Variants in TXNL4A observed in about 807,000 individuals in gnomAD.
The protein encoded by TXNL4A is thioredoxin like 4A.
Under a neutral mutation model 14.6 loss-of-function variants are expected in TXNL4A, and 17 were observed. That is an observed-to-expected ratio of 1.16 (90% CI 0.80 to 1.74). TXNL4A has a LOEUF of 1.74. Ranked by LOEUF, TXNL4A falls within the 40% of genes most tolerant of loss-of-function variation. The pLI, the probability that TXNL4A is intolerant of heterozygous loss-of-function variation, is 0.00. For synonymous variants in TXNL4A, 83 were observed against 70.6 expected, an observed-to-expected ratio of 1.18 and a Z score of -0.88; for missense variants, 74 against 195.2, an observed-to-expected ratio of 0.38 and a Z score of 3.70.
At chr18:79,985,286 C>G (rs890441833) in intron 1 of TXNL4A, among the ~76,000 whole-genome samples, 1 of 152,088 alleles carries the variant, frequency 6.6e-6, no homozygotes, top group Non-Finnish European at 1.5e-5. Flanking sequence ...GACAGGGTCT[C>G]GCTCTGTCAC....
At chr18:79,977,542 A>T in intron 2 of TXNL4A, 56 bp downstream of exon 2, 1 of 1,381,984 alleles carries the variant, frequency 7.2e-7, no homozygotes, top group Non-Finnish European at 1.0e-6. Flanking sequence ...TCTTGATTAC[A>T]TTAAGCTTCC....
chr18:80,013,356 C>G (rs957059421), intron 1 of TXNL4A, among the ~76,000 whole-genome samples: 3 of 151,918 alleles, frequency 2.0e-5, no homozygotes, highest in Non-Finnish European at 4.4e-5. Flanking sequence ...TCTCCTACCT[C>G]ATGATCCCCC....
chr18:79,984,988 T>C (rs1470240732), intron 1 of TXNL4A, among the ~76,000 whole-genome samples: 1 of 152,072 alleles, frequency 6.6e-6, no homozygotes, highest in Non-Finnish European at 1.5e-5. Flanking sequence ...CAAAGGCACA[T>C]GAAATTGTCT....
intron 1 of TXNL4A, among the ~76,000 whole-genome samples, chr18:80,004,162 G>T (rs1298483773): frequency 6.6e-6 from 1 of 151,472 alleles, no homozygotes; most frequent in Non-Finnish European, 1.5e-5. Flanking sequence ...GTGTAGGCAG[G>T]AAAGTTAAGG....
upstream of TXNL4A, among the ~76,000 whole-genome samples, chr18:79,990,742 A>G (rs2051621676): frequency 6.6e-6 from 1 of 152,232 alleles, no homozygotes; most frequent in Non-Finnish European, 1.5e-5. Flanking sequence ...CTTAATTTTT[A>G]AGGACATTAA....
rs2051476251 is a variant in TXNL4A, at chr18:79,982,293, C to A, written c.154-4592G>T. ...GACCTTTTCCACTTGGGATTCTGGG[C>A]CATGTATTTATTTCTAAGAAAGCAG... On this transcript the variant is annotated intron_variant, in intron 1 of 2. Transcript: ENST00000269601. This position sits in a 1 kb window ranked among gnomAD's most constrained non-coding sequence, Gnocchi z 4.0. Among the ~76,000 whole-genome samples the A allele has an allele frequency of 6.6e-6, 1 of 152,048 alleles. No individual in the cohort carries two copies. Among genetic ancestry groups the A allele is most frequent in the African/African-American group, 2.4e-5 (1 of 41,378 alleles).
At chr18:80,017,379 G>T (rs2051818664) in intron 1 of TXNL4A, among the ~76,000 whole-genome samples, 2 of 151,494 alleles carry the variant, frequency 1.3e-5, no homozygotes, top group Non-Finnish European at 3.0e-5. Context: ...AATTGCCCTG[G>T]CCAGAACTTC....
intron 1 of TXNL4A, among the ~76,000 whole-genome samples, chr18:80,002,306 C>T (rs190218015): frequency 2.0e-5 from 3 of 152,294 alleles, no homozygotes; most frequent in East Asian, 1.9e-4. Flanking sequence ...GTTAGGTCCT[C>T]GTGTCTAGGT....
At chr18:79,975,270 T>C (rs1300001861) in intron 2 of TXNL4A, among the ~76,000 whole-genome samples, 1 of 152,240 alleles carries the variant, frequency 6.6e-6, no homozygotes, top group African/African-American at 2.4e-5. Context: ...TATCTGACAT[T>C]AGGCTCCACC....
chr18:80,010,367 A>C (rs561615516), intron 1 of TXNL4A, among the ~76,000 whole-genome samples: 12 of 152,144 alleles, frequency 7.9e-5, no homozygotes, highest in African/African-American at 2.9e-4. Flanking sequence ...CCCAGGACCT[A>C]CTGGAAAGCT....
chr18:80,001,772 C>A (rs1288996821), intron 1 of TXNL4A, among the ~76,000 whole-genome samples: 2 of 152,162 alleles, frequency 1.3e-5, no homozygotes, highest in African/African-American at 4.8e-5. Flanking sequence ...TGACTATACC[C>A]CCATTGTATC....
At chr18:80,033,422 C>G (rs2051939176) in intron 1 of TXNL4A, among the ~76,000 whole-genome samples, 1 of 152,226 alleles carries the variant, frequency 6.6e-6, no homozygotes, top group South Asian at 2.1e-4. Flanking sequence ...GCAGCTTCCC[C>G]GCTGGGCCAC....
In TXNL4A at chr18:79,982,316, C is replaced by G. The variant is rs2051476469; in HGVS notation, c.154-4615G>C. Among the ~76,000 whole-genome samples, 1 of 152,130 alleles carries G rather than the reference C, an allele frequency of 6.6e-6. No individual in the cohort carries two copies. Among genetic ancestry groups the G allele is most frequent in the Admixed American group, 6.5e-5 (1 of 15,268 alleles). ...GGCCATGTATTTATTTCTAAGAAAG[C>G]AGGAATTGAAGAGTTCAGTTTTGTA... On this transcript the variant is annotated intron_variant, in intron 1 of 2. Transcript: ENST00000269601. The surrounding 1 kb of genome is among the most constrained non-coding windows in gnomAD (Gnocchi z 4.0).
rs1304917859 is a variant in TXNL4A at position 79,973,780 on chromosome 18, T to TCTC, written c.331_333dup (p.Glu111dup). ...TACACCGTCTCGATGATGTCCACCATCTCCTGCTTGTCCTCCATGGCCCAG... is the reference window on the plus strand; with the variant it reads ...TACACCGTCTCGATGATGTCCACCATCTCCTCCTGCTTGTCCTCCATGGCCCAG... On this transcript the variant is annotated inframe_insertion, in exon 3 of 3. Transcript: ENST00000269601. 1.6e-5 allele frequency: 26 copies of TCTC among 1,614,032 alleles called. No homozygotes were observed. Among genetic ancestry groups the TCTC allele is most frequent in the Non-Finnish European group, 2.1e-5 (25 of 1,180,032 alleles).
At chr18:80,012,308 C>T (rs1180475681) in intron 1 of TXNL4A, among the ~76,000 whole-genome samples, 1 of 152,126 alleles carries the variant, frequency 6.6e-6, no homozygotes, top group Non-Finnish European at 1.5e-5. Flanking sequence ...CATATGATGA[C>T]ATAGAGATAA....
intron 1 of TXNL4A, among the ~76,000 whole-genome samples, chr18:80,024,191 A>ACTCCC (rs1417174572): frequency 1.3e-5 from 2 of 152,080 alleles, no homozygotes; most frequent in African/African-American, 4.8e-5. Context: ...ACTGTTTAAA[A>ACTCCC]AAAAAAAAAC....
chr18:79,988,894 C>T (rs1190319965), upstream of TXNL4A, among the ~76,000 whole-genome samples: 1 of 152,232 alleles, frequency 6.6e-6, no homozygotes, highest in African/African-American at 2.4e-5. Flanking sequence ...GAATGCCCGG[C>T]ACTGCGGCTC....
chr18:80,027,842 C>T (rs2051895039), intron 1 of TXNL4A, among the ~76,000 whole-genome samples: 1 of 152,184 alleles, frequency 6.6e-6, no homozygotes, highest in African/African-American at 2.4e-5. Context: ...TGAGTATTAA[C>T]CCTGACAGAG....
intron 1 of TXNL4A, among the ~76,000 whole-genome samples, chr18:80,026,912 T>C (rs143184985): frequency 9.6e-4 from 146 of 152,278 alleles, no homozygotes; most frequent in African/African-American, 3.4e-3. Flanking sequence ...CACAATTTAG[T>C]ACCAGTAATG....
Sources: gnomAD v4.1 joint callset for allele counts (sites outside exome capture counted in the v4.1 genomes callset) on GRCh38, gnomAD v4.1.1 for gene constraint, Gnocchi (gnomAD v3.1) non-coding constraint, MANE v1.5 for transcripts, NCBI Gene and HGNC (gene_info 2026-07-23, HGNC 2026-07-21) for gene names.